The following GABRA2 variants were observed in gnomAD, a reference collection of about 807,000 sequenced individuals.
GABRA2 encodes gamma-aminobutyric acid receptor subunit alpha-2.
Under a neutral mutation model 48.7 loss-of-function variants are expected in GABRA2, and 16 were observed. The ratio of observed to expected loss-of-function variants is 0.33; its 90% confidence interval spans 0.22 to 0.50. The LOEUF (loss-of-function observed/expected upper bound fraction) is 0.50, where lower values mean the gene tolerates loss of function less well. Among genes scored for constraint, GABRA2 ranks in the 20% least tolerant of loss-of-function variants. The pLI is 0.98. For synonymous variants in GABRA2, 185 were observed against 184.5 expected (o/e 1.00, Z -0.02); for missense variants, 275 against 535.6 (o/e 0.51, Z 4.80).
At chr4:46,317,556 C>G (rs1284446465) in intron 4 of GABRA2, among the ~76,000 whole-genome samples, 2 of 151,624 alleles carry the variant, frequency 1.3e-5, no homozygotes, top group South Asian at 4.1e-4. Flanking sequence ...CATCAGTGTA[C>G]CGTGATTGTG....
chr4:46,275,312 C>A (rs1720269478), intron 8 of GABRA2, among the ~76,000 whole-genome samples: 1 of 152,046 alleles, frequency 6.6e-6, no homozygotes, highest in South Asian at 2.1e-4. Context: ...TAATCTTAAC[C>A]AATCTCTTGC....
intron 3 of GABRA2, among the ~76,000 whole-genome samples, chr4:46,382,366 G>A (rs1054943394): frequency 2.0e-5 from 3 of 151,858 alleles, no homozygotes; most frequent in Admixed American, 1.3e-4. Context: ...TACAAGCAGG[G>A]AAAAGGCTCC....
chr4:46,278,210 G>A (rs1371887479), intron 8 of GABRA2, among the ~76,000 whole-genome samples: 1 of 151,946 alleles, frequency 6.6e-6, no homozygotes, highest in Non-Finnish European at 1.5e-5. Context: ...AGTGTCCTTG[G>A]TTCTCAGAAA....
At chr4:46,259,944 A>C (rs1038578880) in intron 9 of GABRA2, among the ~76,000 whole-genome samples, 2 of 151,860 alleles carry the variant, frequency 1.3e-5, no homozygotes, top group Non-Finnish European at 2.9e-5. Flanking sequence ...TTTAATTCTT[A>C]GTCTGAAGGT....
chr4:46,332,715 T>C, intron 3 of GABRA2, 33 bp from the exon 4 acceptor site: 1 of 1,239,090 alleles, frequency 8.1e-7, no homozygotes. Flanking sequence ...ATATAGATAT[T>C]ATATAATAAG....
intron 3 of GABRA2, among the ~76,000 whole-genome samples, chr4:46,372,328 A>G (rs572572715): frequency 6.6e-6 from 1 of 152,312 alleles, no homozygotes; most frequent in African/African-American, 2.4e-5. Flanking sequence ...ATCAGCTGCA[A>G]GTGCCCAGAA....
chr4:46,328,932 T>A (rs1730862445), intron 4 of GABRA2, among the ~76,000 whole-genome samples: 1 of 152,098 alleles, frequency 6.6e-6, no homozygotes. Flanking sequence ...TTTCTCTCCA[T>A]AAAATGTATA....
Position 46,254,680 on chromosome 4 carries a change from A to G in GABRA2, c.1060-4076T>C, listed in dbSNP as rs1715458093. On this transcript the variant is annotated intron_variant, in intron 9 of 9. Transcript: ENST00000381620. ...TGCAGGCAAACTGACACTATTTTCT[A>G]TTAATTGTAAGTAATTCTCATGGCT... Among the ~76,000 whole-genome samples the G allele has an allele frequency of 2.0e-5, 3 of 151,538 alleles. No individual in the cohort carries two copies. In the Admixed American group the frequency reaches 2.0e-4, roughly 10 times the overall value.
rs545121445 is a variant in GABRA2, at chr4:46,366,067, T to C, written c.187+20007A>G. The C allele has an allele frequency of 1.3e-4, 20 of 152,200 alleles. No homozygotes were observed. In the South Asian group the frequency reaches 4.1e-3, roughly 32 times the overall value. 9.4% of individuals were successfully genotyped at this position (152,200 alleles called of 1,614,324 possible). On this transcript the variant is annotated intron_variant, in intron 3 of 9. Coordinates refer to ENST00000381620, the MANE Select transcript of GABRA2 (RefSeq NM_000807.4). ...TTTGTACCAAGAAATGCTGAGATTA[T>C]CTATCTAGACTACATGGTCTTCTTA... is the stretch of plus-strand genomic sequence containing the variant.
At chr4:46,361,295 A>G (rs926362850) in intron 3 of GABRA2, among the ~76,000 whole-genome samples, 13 of 152,278 alleles carry the variant, frequency 8.5e-5, no homozygotes, top group Non-Finnish European at 1.2e-4. Context: ...TGTGTGCAGT[A>G]TAGGGACTTG....
chr4:46,350,362 A>G (rs1367284683), intron 3 of GABRA2, among the ~76,000 whole-genome samples: 1 of 151,944 alleles, frequency 6.6e-6, no homozygotes, highest in African/African-American at 2.4e-5. Context: ...ATAAACTTAC[A>G]GTCCAGTTAA....
chr4:46,302,672 G>A (rs1725949542), intron 8 of GABRA2: 1 of 152,012 alleles, frequency 6.6e-6, no homozygotes, highest in African/African-American at 2.4e-5. Context: ...CCTTATAGGG[G>A]GCTCCAAAAT....
intron 3 of GABRA2, among the ~76,000 whole-genome samples, chr4:46,336,794 T>C (rs1172570210): frequency 2.0e-5 from 3 of 152,108 alleles, no homozygotes; most frequent in South Asian, 4.1e-4. Context: ...CTAATCAATT[T>C]TGACAAAATC....
At position 46,265,448 on chromosome 4, in the gene GABRA2, GTATA is replaced by G. The variant is rs1386579281; in HGVS notation, c.857-3324_857-3321del. Among the ~76,000 whole-genome samples the G allele has an allele frequency of 3.3e-5, 4 of 119,520 alleles. 1 individual carries two copies. 78.4% of individuals were successfully genotyped at this position (119,520 alleles called of 152,430 possible). ...TGTGTATATATATATAATATATTGT[GTATA>G]TATATAATATATATATAATATATTG... is the stretch of plus-strand genomic sequence containing the variant. On this transcript the variant is annotated intron_variant, in intron 8 of 9. Transcript: ENST00000381620.
intron 6 of GABRA2, among the ~76,000 whole-genome samples, chr4:46,309,422 TA>T (rs1198954097): frequency 1.5e-4 from 23 of 152,024 alleles, no homozygotes; most frequent in Admixed American, 6.6e-5. Context: ...GCACAGTCTC[TA>T]AAAAGGTCAG....
At chr4:46,355,731 A>G (rs762055498) in intron 3 of GABRA2, among the ~76,000 whole-genome samples, 27 of 152,136 alleles carry the variant, frequency 1.8e-4, no homozygotes, top group Non-Finnish European at 3.2e-4. Context: ...CTGGAGGAAA[A>G]TACATTACAA....
intron 3 of GABRA2, among the ~76,000 whole-genome samples, chr4:46,334,463 C>A (rs1731877591): frequency 6.6e-6 from 1 of 151,902 alleles, no homozygotes; most frequent in African/African-American, 2.4e-5. Context: ...CTAAAATGTT[C>A]CAGAGAAGAG....
At chr4:46,279,898 C>CTACTTATAGATTATATAAGTAG (rs1226138763) in intron 8 of GABRA2, among the ~76,000 whole-genome samples, 3 of 152,156 alleles carry the variant, frequency 2.0e-5, no homozygotes, top group East Asian at 3.9e-4. Flanking sequence ...TTGCATTCCA[C>CTACTTATAGATTATATAAGTAG]TACTTATAGA....
rs530130273 is a variant in GABRA2, at chr4:46,357,316, G to A, written c.188-24634C>T. On this transcript the variant is annotated intron_variant, in intron 3 of 9. Transcript: ENST00000381620. ...TCTATGTCTAGTTTTTATTTGGCTT[G>A]GGGTTCAGGAGGAGAAAAAAGGGTC... Among the ~76,000 whole-genome samples the A allele has an allele frequency of 2.7e-5, 4 of 150,636 alleles. No homozygotes were observed. In the South Asian group the frequency reaches 8.5e-4, roughly 32 times the overall value.
Sources: gnomAD v4.1 joint callset for allele counts (sites outside exome capture counted in the v4.1 genomes callset) on GRCh38, gnomAD v4.1.1 for gene constraint, MANE v1.5 for transcripts, NCBI Gene and HGNC (gene_info 2026-07-23, HGNC 2026-07-21) for gene names.